The following RGS5 variants were observed in gnomAD, a reference collection of about 807,000 sequenced individuals.
RGS5 encodes the protein regulator of G-protein signalling 5.
A neutral mutation model predicts 18.9 loss-of-function variants in RGS5; 20 were observed. The ratio of observed to expected loss-of-function variants is 1.06; its 90% confidence interval spans 0.74 to 1.54. RGS5 has a LOEUF of 1.54. Among genes scored for constraint, RGS5 ranks in the 40% most tolerant of loss-of-function variants. RGS5 has a pLI of 0.00. For synonymous variants in RGS5, 57 were observed against 76.2 expected, an observed-to-expected ratio of 0.75 and a Z score of 1.31; for missense variants, 201 against 211.8, an observed-to-expected ratio of 0.95 and a Z score of 0.32.
chr1:163,251,532 C>T (rs575443515), intron 2 of RGS5, among the ~76,000 whole-genome samples: 11 of 152,192 alleles, frequency 7.2e-5, no homozygotes, highest in African/African-American at 2.2e-4. Flanking sequence ...GGTCCTTGGA[C>T]TTCTCATCTT....
At chr1:163,271,786 C>T (rs999001566) in intron 2 of RGS5, among the ~76,000 whole-genome samples, 2 of 152,040 alleles carry the variant, frequency 1.3e-5, no homozygotes, top group South Asian at 2.1e-4. Flanking sequence ...CATATGTTTT[C>T]GTTTCTCTTG....
At chr1:163,283,855 A>G (rs779754261) in intron 2 of RGS5, among the ~76,000 whole-genome samples, 2 of 152,212 alleles carry the variant, frequency 1.3e-5, no homozygotes, top group Non-Finnish European at 2.9e-5. Flanking sequence ...AACTCTGTCA[A>G]TAATGAGTGT....
chr1:163,312,549 G>GAA (rs1015475253), intron 1 of RGS5, among the ~76,000 whole-genome samples: 2 of 152,110 alleles, frequency 1.3e-5, no homozygotes, highest in African/African-American at 4.8e-5. Context: ...GCACAGGGTA[G>GAA]AAGTAAGCTA....
intron 2 of RGS5, among the ~76,000 whole-genome samples, chr1:163,282,570 C>G (rs1649023141): frequency 6.6e-6 from 1 of 152,098 alleles, no homozygotes; most frequent in African/African-American, 2.4e-5. Flanking sequence ...ATTAGCCAGG[C>G]ATGTTTGCAC....
chr1:163,228,373 C>T (rs1178807464), intron 2 of RGS5, among the ~76,000 whole-genome samples: 5 of 152,224 alleles, frequency 3.3e-5, no homozygotes, highest in African/African-American at 9.6e-5. Flanking sequence ...AGGCTTGGGG[C>T]TTTCGCCCTC....
chr1:163,149,487 C>T (rs568640424), intron 4 of RGS5, among the ~76,000 whole-genome samples: 2 of 152,090 alleles, frequency 1.3e-5, no homozygotes, highest in Non-Finnish European at 2.9e-5. Flanking sequence ...ACATAGTATC[C>T]ACCAGCAAAT....
chr1:163,307,421 C>T (rs1649733806), intron 1 of RGS5, among the ~76,000 whole-genome samples: 1 of 151,108 alleles, frequency 6.6e-6, no homozygotes, highest in African/African-American at 2.4e-5. Flanking sequence ...TTTTTTTTAA[C>T]AGAAAGGAAA....
intron 1 of RGS5, among the ~76,000 whole-genome samples, chr1:163,214,581 C>T (rs925653370): frequency 6.6e-6 from 1 of 152,118 alleles, no homozygotes; most frequent in African/African-American, 2.4e-5. Flanking sequence ...TTCAGTCTCT[C>T]TTCAAGAACC....
chr1:163,147,330 C>T lies in RGS5; in HGVS notation c.*12G>A. 1 of 1,574,346 alleles carries T rather than the reference C, an allele frequency of 6.4e-7. No individual in the cohort carries two copies. The highest frequency in any genetic ancestry group is 1.2e-5 in the South Asian group (1 of 83,068). On this transcript the variant is annotated 3_prime_UTR_variant, in exon 5 of 5. Transcript: ENST00000313961. ...ATAACTCACAGGATGATTTCATAGCCTGGCTAAATTACTACTTGATTAACT... is the reference window on the plus strand; with the variant it reads ...ATAACTCACAGGATGATTTCATAGCTTGGCTAAATTACTACTTGATTAACT...
intron 1 of RGS5, among the ~76,000 whole-genome samples, chr1:163,209,742 G>T (rs1283062719): frequency 6.6e-6 from 1 of 151,962 alleles, no homozygotes; most frequent in African/African-American, 2.4e-5. Flanking sequence ...TAGTTTTATT[G>T]TCAGTTTTCT....
At chr1:163,248,544 T>G (rs1648014501) in intron 2 of RGS5, 1 of 152,158 alleles carries the variant, frequency 6.6e-6, no homozygotes, top group African/African-American at 2.4e-5. Context: ...TTCCTTGTTC[T>G]GGGCACTGAT....
chr1:163,284,804 C>T (rs1649101248), intron 2 of RGS5, among the ~76,000 whole-genome samples: 1 of 151,540 alleles, frequency 6.6e-6, no homozygotes, highest in Admixed American at 6.6e-5. Flanking sequence ...TCCCCCTCTT[C>T]CCCTCTCTGT....
intron 1 of RGS5, among the ~76,000 whole-genome samples, chr1:163,184,519 T>C (rs1658990176): frequency 6.6e-6 from 1 of 152,040 alleles, no homozygotes; most frequent in African/African-American, 2.4e-5. Context: ...ACAAGTCAGA[T>C]GGCCAAAGTT....
intron 1 of RGS5, among the ~76,000 whole-genome samples, chr1:163,311,453 A>G (rs2101649933): frequency 6.6e-6 from 1 of 152,332 alleles, no homozygotes; most frequent in South Asian, 2.1e-4. Flanking sequence ...GGCCTATCTT[A>G]GCTTTTGATA....
chr1:163,302,929 C>T (rs1035415367), intron 2 of RGS5, among the ~76,000 whole-genome samples: 2 of 152,146 alleles, frequency 1.3e-5, no homozygotes, highest in Admixed American at 6.5e-5. Context: ...GAACTCATCA[C>T]TTTTTACTTT....
chr1:163,220,977 T>C (rs1370096931), upstream of RGS5, among the ~76,000 whole-genome samples: 1 of 152,226 alleles, frequency 6.6e-6, no homozygotes, highest in African/African-American at 2.4e-5. Flanking sequence ...TGACATTCAC[T>C]TTAGACTTCT....
At chr1:163,269,447 T>C (rs1027291705) in intron 2 of RGS5, among the ~76,000 whole-genome samples, 5 of 152,220 alleles carry the variant, frequency 3.3e-5, no homozygotes, top group South Asian at 4.1e-4. Flanking sequence ...GAAAAGACAC[T>C]ACAGGATTCA....
upstream of RGS5, among the ~76,000 whole-genome samples, chr1:163,221,043 T>C (rs573317414): frequency 6.6e-6 from 1 of 152,198 alleles, no homozygotes; most frequent in Admixed American, 6.5e-5. Flanking sequence ...GTTATAGCAA[T>C]AGTAGGAAGC....
In RGS5 at chr1:163,210,617, G is replaced by T. The variant is rs945491487; in HGVS notation, c.69+6909C>A. On this transcript the variant is annotated intron_variant, in intron 1 of 5. Coordinates refer to the RGS5 transcript ENST00000367903. Reference sequence around the variant, plus strand: ...ACACTGGGCAAATTACTTAAAATTTGAGCACCTCTGTATTTTCTATAAAGT... The same window carrying T: ...ACACTGGGCAAATTACTTAAAATTTTAGCACCTCTGTATTTTCTATAAAGT... 2.0e-5 allele frequency among the ~76,000 whole-genome samples: 3 copies of T among 152,168 alleles called. No individual in the cohort carries two copies. The South Asian group carries it at 6.2e-4, about 32-fold the overall frequency.
Sources: gnomAD v4.1 joint callset for allele counts (sites outside exome capture counted in the v4.1 genomes callset) on GRCh38, gnomAD v4.1.1 for gene constraint, MANE v1.5 for transcripts, NCBI Gene and HGNC (gene_info 2026-07-23, HGNC 2026-07-21) for gene names.